Variants in ZNF559 observed in about 807,000 individuals in gnomAD.
The protein encoded by ZNF559 is zinc finger protein 559, also known as putative protein product of Nbla00121.
ZNF559 carries 17 observed loss-of-function variants against 14.2 expected under a neutral mutation model. That is an observed-to-expected ratio of 1.20 (90% CI 0.82 to 1.80). The LOEUF (loss-of-function observed/expected upper bound fraction) is 1.80, where lower values mean the gene tolerates loss of function less well. ZNF559 is among the 40% of genes most tolerant of loss of function. ZNF559 has a pLI of 0.00. For synonymous variants in ZNF559, 244 were observed against 212.4 expected, an observed-to-expected ratio of 1.15 and a Z score of -1.29; for missense variants, 740 against 629.7, an observed-to-expected ratio of 1.18 and a Z score of -1.88.
intron 2 of ZNF559, among the ~76,000 whole-genome samples, chr19:9,331,651 T>C (rs1271788955): frequency 2.6e-5 from 4 of 152,202 alleles, no homozygotes; most frequent in African/African-American, 9.7e-5. Context: ...TGAGGGTAAG[T>C]TGAAAATTGT....
intron 2 of ZNF559, among the ~76,000 whole-genome samples, chr19:9,337,344 C>G (rs542551107): frequency 6.6e-6 from 1 of 152,320 alleles, no homozygotes; most frequent in South Asian, 2.1e-4. Context: ...GAAAAATATA[C>G]ACTTACCAGG....
chr19:9,330,596 G>A (rs2066886953), intron 2 of ZNF559, among the ~76,000 whole-genome samples: 1 of 151,962 alleles, frequency 6.6e-6, no homozygotes, highest in Admixed American at 6.6e-5. Flanking sequence ...GACCCCTCTA[G>A]TTAATATTTT....
chr19:9,324,097 A>G (rs1035026031), upstream of ZNF559: 4 of 1,486,958 alleles, frequency 2.7e-6, no homozygotes, highest in African/African-American at 2.8e-5. Flanking sequence ...AAGCCGCAGC[A>G]GCTGATGGGC....
intron 5 of ZNF559, among the ~76,000 whole-genome samples, chr19:9,340,588 AAAAG>A (rs1335113153): frequency 0.055 from 2,068 of 37,408 alleles, 101 homozygotes; most frequent in African/African-American, 0.13. Flanking sequence ...AAAAAAAAAA[AAAAG>A]AGTCTTGCTC....
chr19:9,330,648 G>T lies in ZNF559; in HGVS notation c.-120+5868G>T, dbSNP rs144077853. On this transcript the variant is annotated intron_variant, in intron 2 of 6. Coordinates refer to ENST00000603380, the MANE Select transcript of ZNF559 (RefSeq NM_032497.3). ...TCTTCAACTCCAGTATTTCTCTTTTGTTCTTTATCATTTCAATCTCTGGGT... is the reference window on the plus strand; with the variant it reads ...TCTTCAACTCCAGTATTTCTCTTTTTTTCTTTATCATTTCAATCTCTGGGT... Among the ~76,000 whole-genome samples, 305 of 151,928 alleles carry T rather than the reference G, an allele frequency of 2.0e-3. 1 individual carries two copies. Among genetic ancestry groups the T allele is most frequent in the African/African-American group, 6.7e-3 (279 of 41,404 alleles).
chr19:9,341,867 A>AAAC lies in ZNF559; in HGVS notation c.417_419dup (p.Thr140dup), dbSNP rs1568367975. 2 of 1,610,698 alleles carry AAAC rather than the reference A, an allele frequency of 1.2e-6. No individual in the cohort carries two copies. The highest frequency in any genetic ancestry group is 1.7e-4 in the Middle Eastern group (1 of 6,024). On this transcript the variant is annotated inframe_insertion, in exon 7 of 7. Transcript: ENST00000603380. The stretch of plus-strand genomic sequence containing the variant: ...CCCTCTATCTTTACTTTACACAAGA[A>AAAC]AACTGATATCGGAGAGGAACTTCCT...
chr19:9,335,498 C>G (rs1289427294), intron 2 of ZNF559, among the ~76,000 whole-genome samples: 1 of 152,166 alleles, frequency 6.6e-6, no homozygotes, highest in Non-Finnish European at 1.5e-5. Context: ...AATAGACAAA[C>G]TTTTGCACAA....
chr19:9,325,710 T>C (rs8112702), intron 2 of ZNF559, among the ~76,000 whole-genome samples: 93,183 of 150,998 alleles, frequency 0.62, 29,510 homozygotes, highest in African/African-American at 0.75. Flanking sequence ...CGCTTGAACC[T>C]GGGAGGCAGA....
In ZNF559 at chr19:9,324,689, T is replaced by A; in HGVS notation, c.-205-6T>A. ...CACATCCAGCGTTGTGCCTTTTCTC[T>A]ATAAGGAACAGCATCTCTGCCTTCC... On this transcript the variant is annotated splice_region_variant and splice_polypyrimidine_tract_variant and intron_variant, in intron 1 of 6. Coordinates refer to ENST00000603380, the MANE Select transcript of ZNF559 (RefSeq NM_032497.3). 6.5e-7 allele frequency: 1 copy of A among 1,528,632 alleles called. No homozygotes were observed. The highest frequency in any genetic ancestry group is 1.2e-5 in the South Asian group (1 of 83,826). 94.7% of individuals were successfully genotyped at this position (1,528,632 alleles called of 1,614,324 possible). A position where few individuals can be genotyped will look rare whatever the true frequency, so the allele number is the denominator to read the frequency against.
intron 2 of ZNF559, among the ~76,000 whole-genome samples, chr19:9,327,914 A>G (rs541314751): frequency 6.6e-6 from 1 of 152,126 alleles, no homozygotes; most frequent in South Asian, 2.1e-4. Flanking sequence ...TTCACTTTGT[A>G]TTTTCCTCTT....
rs751885851 is a variant in ZNF559 at position 9,342,595 on chromosome 19, C to G, written c.1144C>G (p.Gln382Glu). The G allele has an allele frequency of 1.2e-6, 2 of 1,613,602 alleles. No individual in the cohort carries two copies. Among genetic ancestry groups the G allele is most frequent in the East Asian group, 2.2e-5 (1 of 44,796 alleles). The change falls in exon 7 of 7, where the codon CAA (glutamine) becomes GAA (glutamate). Residue 382 changes from glutamine (Q) to glutamate (E), a missense_variant. Gln to Glu is a conservative substitution (Grantham distance 29). Transcript: ENST00000603380. ...AACTCACACTGGTGAGAAGCCTTAT[C>G]AATGTAAGGAATGTGGAAAAGCCTT... is the stretch of plus-strand genomic sequence containing the variant. ...MRTHTGEKPY[Q>E]CKECGKAFIN...
At position 9,327,664 on chromosome 19, in the gene ZNF559, A is replaced by ATGTC. The variant is rs200957785; in HGVS notation, c.-120+2884_-120+2885insTGTC. On this transcript the variant is annotated intron_variant, in intron 2 of 6. Coordinates refer to ENST00000603380, the MANE Select transcript of ZNF559 (RefSeq NM_032497.3). ...GTTCTTTCTCCATTCTTTAGCTGACAGTCTTAGGTGAAGAGGAGCTTTCTT... is the reference window on the plus strand; with the variant it reads ...GTTCTTTCTCCATTCTTTAGCTGACATGTCGTCTTAGGTGAAGAGGAGCTTTCTT... Among the ~76,000 whole-genome samples the ATGTC allele has an allele frequency of 5.9e-3, 894 of 152,244 alleles. 9 individuals are homozygous for ATGTC. The highest frequency in any genetic ancestry group is 0.02 in the African/African-American group (833 of 41,534).
intron 6 of ZNF559, chr19:9,341,396 C>A: frequency 1.3e-6 from 1 of 754,488 alleles, no homozygotes; most frequent in South Asian, 1.5e-5. Context: ...TTTCCTTCAA[C>A]ATTCCCATAT....
chr19:9,335,948 AG>A (rs1334427269), intron 2 of ZNF559, among the ~76,000 whole-genome samples: 1 of 152,264 alleles, frequency 6.6e-6, no homozygotes, highest in Non-Finnish European at 1.5e-5. Flanking sequence ...AGAAGGGTTC[AG>A]GGGGCTCTGC....
In ZNF559 at chr19:9,339,334, A is replaced by G. The variant is rs1360341086; in HGVS notation, c.160+15A>G. 9 of 1,585,220 alleles carry G rather than the reference A, an allele frequency of 5.7e-6. No individual in the cohort carries two copies. The highest frequency in any genetic ancestry group is 7.7e-6 in the Non-Finnish European group (9 of 1,165,038). On this transcript the variant is annotated intron_variant, in intron 5 of 6. Transcript: ENST00000603380. ...AGTTGCAGTAGGTAAGGCTGGTACCATTCTTTTCATTTAGTTTTTTTCTGG... is the reference window on the plus strand; with the variant it reads ...AGTTGCAGTAGGTAAGGCTGGTACCGTTCTTTTCATTTAGTTTTTTTCTGG...
chr19:9,338,607 T>TAG (rs1272121683), intron 4 of ZNF559, 25 bp downstream of exon 4: 1 of 1,524,658 alleles, frequency 6.6e-7, no homozygotes, highest in East Asian at 2.3e-5. Context: ...GCTTTTTCTG[T>TAG]AGAAGCATAT....
intron 2 of ZNF559, among the ~76,000 whole-genome samples, chr19:9,326,671 A>G (rs2066624046): frequency 6.6e-6 from 1 of 152,206 alleles, no homozygotes; most frequent in South Asian, 2.1e-4. Context: ...TTAAAAATGC[A>G]GCATATCCAG....
chr19:9,327,890 A>G (rs1184644346), intron 2 of ZNF559, among the ~76,000 whole-genome samples: 3 of 152,190 alleles, frequency 2.0e-5, no homozygotes, highest in African/African-American at 4.8e-5. Flanking sequence ...TCTGAGTGCA[A>G]AATCAGACCC....
rs557353552 is a variant in ZNF559 at position 9,327,246 on chromosome 19, T to G, written c.-120+2466T>G. Among the ~76,000 whole-genome samples, 101 of 133,498 alleles carry G rather than the reference T, an allele frequency of 7.6e-4. No individual in the cohort carries two copies. In the East Asian group the frequency reaches 0.012, roughly 16 times the overall value. 87.6% of individuals were successfully genotyped at this position (133,498 alleles called of 152,430 possible). A position where few individuals can be genotyped will look rare whatever the true frequency, so the allele number is the denominator to read the frequency against. On this transcript the variant is annotated intron_variant, in intron 2 of 6. Transcript: ENST00000603380. ...TTTTGGTTTTGTTTTGTTTTGTTTT[T>G]TTTTGTTTTTGTTTTTGTTTTGACG...
Sources: allele counts gnomAD v4.1 joint callset (sites outside exome capture counted in the v4.1 genomes callset), GRCh38; gene constraint gnomAD v4.1.1; transcripts MANE v1.5; gene names NCBI Gene and HGNC (gene_info 2026-07-23, HGNC 2026-07-21).